Variants in MINK1 observed in about 807,000 individuals in gnomAD.
MINK1 encodes the protein misshapen like kinase 1.
MINK1 carries 46 observed loss-of-function variants against 178.4 expected under a neutral mutation model. That is an observed-to-expected ratio of 0.26 (90% CI 0.20 to 0.33). The LOEUF (loss-of-function observed/expected upper bound fraction) is 0.33, where lower values mean the gene tolerates loss of function less well. MINK1 is among the 10% of genes least tolerant of loss of function. The probability of loss-of-function intolerance (pLI) is 1.00; values close to 1 mark genes in which losing one functional copy is unlikely to be tolerated. For missense variants in MINK1, 1,366 were observed against 1,814.9 expected, an observed-to-expected ratio of 0.75 and a Z score of 4.49; for synonymous variants, 797 against 709.7, an observed-to-expected ratio of 1.12 and a Z score of -1.96.
Position 4,892,717 on chromosome 17 carries a change from T to G in MINK1, c.2260T>G (p.Ser754Ala), listed in dbSNP as rs781312416. ...WERSDSVLPA[S>A]HGHLPQAGSL... ...ACGCTCGGACAGCGTCCTTCCAGCC[T>G]CTCACGGGCACCTCCCCCAGGCTGG... The change falls in exon 19 of 32, where the codon TCT becomes GCT. Residue 754 changes from serine (S) to alanine (A), a missense_variant. Coordinates refer to ENST00000355280, the MANE Select transcript of MINK1 (RefSeq NM_153827.5). 1.2e-6 allele frequency: 2 copies of G among 1,612,054 alleles called. No homozygotes were observed. The highest frequency in any genetic ancestry group is 3.3e-5 in the Admixed American group (2 of 59,932).
intron 1 of MINK1, among the ~76,000 whole-genome samples, chr17:4,857,737 C>T (rs955845762): frequency 6.6e-6 from 1 of 151,814 alleles, no homozygotes; most frequent in Non-Finnish European, 1.5e-5. Flanking sequence ...CAAAGTGCTG[C>T]GATTATAGGG....
chr17:4,858,068 G>T (rs1396267852), intron 1 of MINK1, among the ~76,000 whole-genome samples: 1 of 152,170 alleles, frequency 6.6e-6, no homozygotes, highest in Admixed American at 6.5e-5. Flanking sequence ...TGGTACTGGG[G>T]CTAAGGGATA....
At chr17:4,888,502 G>C (rs1567609997) in intron 12 of MINK1, among the ~76,000 whole-genome samples, 2 of 151,736 alleles carry the variant, frequency 1.3e-5, no homozygotes, top group African/African-American at 4.8e-5. Flanking sequence ...CAGGCGTGGT[G>C]GTGCACGCGC....
intron 1 of MINK1, among the ~76,000 whole-genome samples, chr17:4,867,214 CA>C (rs1449528152): frequency 1.5e-5 from 2 of 137,506 alleles, no homozygotes; most frequent in African/African-American, 5.6e-5. Context: ...GTGGCATGAC[CA>C]CAGCTCACTG....
rs910015855 is a variant in MINK1, at chr17:4,885,139, C to T, written c.508+137C>T. On this transcript the variant is annotated intron_variant, in intron 6 of 31. Coordinates refer to ENST00000355280, the MANE Select transcript of MINK1 (RefSeq NM_153827.5). This position sits in a 1 kb window ranked among gnomAD's most constrained non-coding sequence, Gnocchi z 5.0. ...GCTCACTCCCTCCCCTTTCCCCTCT[C>T]CCCCTGGAATGCCCTGCCTCCTGCT... 2.1e-5 allele frequency: 17 copies of T among 802,248 alleles called. No homozygotes were observed. The highest frequency in any genetic ancestry group is 5.2e-5 in the African/African-American group (3 of 57,716). The allele number at this position is 802,248 out of a possible 1,614,324, so 49.7% of individuals were successfully genotyped here.
intron 1 of MINK1, among the ~76,000 whole-genome samples, chr17:4,871,962 T>G (rs527442147): frequency 6.6e-6 from 1 of 152,268 alleles, no homozygotes; most frequent in African/African-American, 2.4e-5. Context: ...TCCTCCTGCC[T>G]CAGCCTCCTG....
intron 1 of MINK1, among the ~76,000 whole-genome samples, chr17:4,859,806 A>AC (rs1253904382): frequency 6.6e-6 from 1 of 151,112 alleles, no homozygotes; most frequent in Admixed American, 6.6e-5. Context: ...AAAAAAAAAA[A>AC]AAAAAAAAAG....
At chr17:4,844,427 T>C in intron 1 of MINK1, 1 of 427,334 alleles carries the variant, frequency 2.3e-6, no homozygotes, top group Non-Finnish European at 4.6e-6. Context: ...TTTTGGAATA[T>C]GGCCTGTTTC....
At chr17:4,835,858 C>G (rs1260682886) in intron 1 of MINK1, among the ~76,000 whole-genome samples, 6 of 152,176 alleles carry the variant, frequency 3.9e-5, no homozygotes, top group Admixed American at 3.3e-4. Flanking sequence ...TTGCCTCCAG[C>G]CTTACTCTCC....
chr17:4,863,157 C>G (rs569090354), intron 1 of MINK1, among the ~76,000 whole-genome samples: 1 of 152,334 alleles, frequency 6.6e-6, no homozygotes, highest in East Asian at 1.9e-4. Context: ...TTCCTTGGAA[C>G]TGAAACCATA....
At chr17:4,859,765 G>T (rs1296454188) in intron 1 of MINK1, among the ~76,000 whole-genome samples, 1 of 121,100 alleles carries the variant, frequency 8.3e-6, no homozygotes, top group Non-Finnish European at 1.6e-5. Context: ...TCCAGCCTGG[G>T]TGACAAGAGC....
At chr17:4,891,876 G>A (rs770172031) in intron 16 of MINK1, among the ~76,000 whole-genome samples, 160 bp downstream of exon 16, 7 of 152,218 alleles carry the variant, frequency 4.6e-5, no homozygotes, top group Non-Finnish European at 8.8e-5. Flanking sequence ...CTGAGGACGC[G>A]ACGTGGAGGG....
intron 1 of MINK1, among the ~76,000 whole-genome samples, chr17:4,846,252 A>G (rs1911011848): frequency 6.6e-6 from 1 of 152,170 alleles, no homozygotes; most frequent in Non-Finnish European, 1.5e-5. Context: ...TCCTCACAAT[A>G]GTGTCAGATT....
At chr17:4,868,935 A>T (rs368278803) in intron 1 of MINK1, 17 of 198,412 alleles carry the variant, frequency 8.6e-5, no homozygotes, top group Non-Finnish European at 1.2e-4. Flanking sequence ...TTATTTATTT[A>T]TTTTTTGAGG....
intron 1 of MINK1, among the ~76,000 whole-genome samples, chr17:4,835,194 T>TA (rs1462405222): frequency 1.3e-5 from 2 of 152,168 alleles, no homozygotes; most frequent in Non-Finnish European, 2.9e-5. Context: ...AGTCGGGATA[T>TA]AAGATGGAAA....
chr17:4,895,942 G>T lies in MINK1; in HGVS notation c.3365-61G>T, dbSNP rs560706815. ...GTGGGGCAGTGTAGTGACAGACCACGGGGAGGCGCCCGTGGCGCAAGAAGG... is the reference window on the plus strand; with the variant it reads ...GTGGGGCAGTGTAGTGACAGACCACTGGGAGGCGCCCGTGGCGCAAGAAGG... On this transcript the variant is annotated intron_variant, in intron 27 of 31. Coordinates refer to ENST00000355280, the MANE Select transcript of MINK1 (RefSeq NM_153827.5). This position sits in a 1 kb window ranked among gnomAD's most constrained non-coding sequence, Gnocchi z 4.3. 5 of 1,568,720 alleles carry T rather than the reference G, an allele frequency of 3.2e-6. No individual in the cohort carries two copies. In the East Asian group the frequency reaches 1.2e-4, roughly 37 times the overall value.
At chr17:4,838,678 A>G (rs1808591381) in intron 1 of MINK1, among the ~76,000 whole-genome samples, 5 of 152,190 alleles carry the variant, frequency 3.3e-5, no homozygotes, top group Admixed American at 3.3e-4. Flanking sequence ...ACATAAAGCA[A>G]TTCTGGACTG....
In MINK1 at chr17:4,895,434, G is replaced by A; in HGVS notation, c.3170G>A (p.Arg1057Gln). The change falls in exon 26 of 32, where the codon CGG (arginine) becomes CAG (glutamine). Residue 1057 changes from arginine (R) to glutamine (Q), a missense_variant. By Grantham distance (43) the Arg-to-Gln change is conservative. This residue lies in a region of MINK1 where 77 missense variants were observed against 119.5 expected (regional missense o/e 0.64). Coordinates refer to ENST00000355280, the MANE Select transcript of MINK1 (RefSeq NM_153827.5). The surrounding 1 kb of genome is among the most constrained non-coding windows in gnomAD (Gnocchi z 4.3). The stretch of plus-strand genomic sequence containing the variant: ...GGCAAGGTGTATGGACTCATTGGGC[G>A]GCGACGCTTCCAGCAGATGGATGTG... ...GQGKVYGLIG[R>Q]RRFQQMDVLE... 6.2e-7 allele frequency: 1 copy of A among 1,608,484 alleles called. No individual in the cohort carries two copies.
chr17:4,884,274 C>T (rs1376612076), intron 4 of MINK1, 89 bp from the exon 5 acceptor site: 3 of 999,090 alleles, frequency 3.0e-6, no homozygotes, highest in South Asian at 1.4e-5. Flanking sequence ...CTCTTATCCT[C>T]CTCCAGGAGT....
Sources: allele counts gnomAD v4.1 joint callset (sites outside exome capture counted in the v4.1 genomes callset), GRCh38; gene constraint gnomAD v4.1.1; regional missense constraint gnomAD v4.1.1; non-coding constraint Gnocchi (gnomAD v3.1); transcripts MANE v1.5; gene names NCBI Gene and HGNC (gene_info 2026-07-23, HGNC 2026-07-21).